GPALPP1: variants seen among roughly 807,000 people sequenced by gnomAD.
The protein encoded by GPALPP1 is GPALPP motifs containing 1.
Under a neutral mutation model 38.9 loss-of-function variants are expected in GPALPP1, and 30 were observed. The ratio of observed to expected loss-of-function variants is 0.77; its 90% CI spans 0.58 to 1.05. GPALPP1 has a LOEUF of 1.05. Ranked by LOEUF, GPALPP1 falls within the 50% of genes least tolerant of loss-of-function variation. The probability of loss-of-function intolerance (pLI) is 0.00; values close to 1 mark genes in which losing one functional copy is unlikely to be tolerated. For synonymous variants in GPALPP1, 120 were observed against 139.2 expected (o/e 0.86, Z 0.97); for missense variants, 384 against 408.8 (o/e 0.94, Z 0.52).
chr13:44,994,634 G>A (rs997624821), intron 1 of GPALPP1, among the ~76,000 whole-genome samples: 3 of 152,140 alleles, frequency 2.0e-5, no homozygotes. Flanking sequence ...TCAGAGCTCA[G>A]TACAAAACTT....
chr13:45,034,709 C>CT (rs1566088488), downstream of GPALPP1: 1 of 147,972 alleles, frequency 6.8e-6, no homozygotes, highest in Non-Finnish European at 1.5e-5. Context: ...ATGGAGAATA[C>CT]TTTTTTATTT....
At chr13:44,992,644 G>A (rs1872888308) in intron 1 of GPALPP1, among the ~76,000 whole-genome samples, 1 of 152,292 alleles carries the variant, frequency 6.6e-6, no homozygotes, top group East Asian at 1.9e-4. Flanking sequence ...TTTGTGTGTG[G>A]TGTGAGATAG....
At chr13:45,034,171 G>A (rs1876325000), downstream of GPALPP1, 1 of 152,228 alleles carries the variant, frequency 6.6e-6, no homozygotes, top group African/African-American at 2.4e-5. Flanking sequence ...ATGCCTCAGT[G>A]TATGCTAGGT....
chr13:45,030,653 G>GGATT (rs1876154268), downstream of GPALPP1: 1 of 151,840 alleles, frequency 6.6e-6, no homozygotes, highest in Admixed American at 6.6e-5. Context: ...CAAAATGCTG[G>GGATT]GATTACAGGC....
At position 45,014,987 on chromosome 13, in the gene GPALPP1, A is replaced by G; in HGVS notation, c.444A>G (p.Gly148=). ...TDSSEDEDII[G]PMPAKGPVNY... ...GCAGTGAAGATGAGGATATTATTGG[A>G]CCAATGCCTGCAAAAGGACCAGTTA... Residue 148 remains glycine, a synonymous_variant, in exon 5 of 8, where the codon GGA becomes GGG. Coordinates refer to ENST00000379151, the MANE Select transcript of GPALPP1 (RefSeq NM_018559.5). 1.9e-6 allele frequency: 3 copies of G among 1,607,044 alleles called. No homozygotes were observed. Among genetic ancestry groups the G allele is most frequent in the Non-Finnish European group, 2.6e-6 (3 of 1,174,702 alleles).
rs1872597744 is a variant in GPALPP1 at position 44,989,541 on chromosome 13, A to G, written c.-114A>G. 3.3e-6 allele frequency: 5 copies of G among 1,514,772 alleles called. No individual in the cohort carries two copies. The highest frequency in any genetic ancestry group is 3.6e-6 in the Non-Finnish European group (4 of 1,100,174). 93.8% of individuals were successfully genotyped at this position (1,514,772 alleles called of 1,614,324 possible). On this transcript the variant is annotated 5_prime_UTR_variant, in exon 1 of 8. Transcript: ENST00000379151. ...CTCAGCCAACCACAGGCTTTACGTC[A>G]TTTCTCGGCGCCGGGAAACCTGCCA...
downstream of GPALPP1, chr13:45,034,742 A>ATTTTTTTTTTTTTTTTTTTT (rs11417310): frequency 2.8e-5 from 3 of 106,802 alleles, no homozygotes; most frequent in East Asian, 2.6e-4. Flanking sequence ...TTTTTTTTTT[A>ATTTTTTTTTTTTTTTTTTTT]TTTTTTTTTT....
At chr13:45,014,226 T>C (rs1297617487) in intron 4 of GPALPP1, among the ~76,000 whole-genome samples, 1 of 152,224 alleles carries the variant, frequency 6.6e-6, no homozygotes, top group Non-Finnish European at 1.5e-5. Flanking sequence ...AATTTCATTA[T>C]AGCTTTTACA....
At chr13:45,032,875 A>G (rs1469311324), downstream of GPALPP1, among the ~76,000 whole-genome samples, 1 of 151,398 alleles carries the variant, frequency 6.6e-6, no homozygotes, top group African/African-American at 2.4e-5. Flanking sequence ...TGTCTCTACT[A>G]AAATACAAAA....
intron 1 of GPALPP1, among the ~76,000 whole-genome samples, chr13:44,994,977 C>G (rs1342143282): frequency 1.3e-5 from 2 of 151,990 alleles, no homozygotes; most frequent in Non-Finnish European, 2.9e-5. Context: ...CCTCAGCCTC[C>G]TAAGTAGCTG....
intron 1 of GPALPP1, among the ~76,000 whole-genome samples, chr13:44,999,048 C>T (rs1437461675): frequency 6.6e-6 from 1 of 152,160 alleles, no homozygotes; most frequent in Non-Finnish European, 1.5e-5. Flanking sequence ...AAGAAGGAAG[C>T]AAACTTCACA....
chr13:45,020,256 T>C, intron 6 of GPALPP1, 74 bp from the exon 7 acceptor site: 1 of 654,914 alleles, frequency 1.5e-6, no homozygotes, highest in South Asian at 1.8e-5. Context: ...TTAATCTAAG[T>C]AAAAATAATA....
chr13:44,995,169 A>AAC (rs371911111), intron 1 of GPALPP1, among the ~76,000 whole-genome samples: 3,555 of 128,572 alleles, frequency 0.028, 115 homozygotes, highest in Admixed American at 0.071. Context: ...CCTATCTTTA[A>AAC]ACACACACAC....
intron 7 of GPALPP1, among the ~76,000 whole-genome samples, chr13:45,021,731 C>A (rs925547617): frequency 2.0e-5 from 3 of 151,688 alleles, no homozygotes; most frequent in African/African-American, 7.3e-5. Context: ...AAATGTAGAC[C>A]TGAATGACAA....
intron 1 of GPALPP1, among the ~76,000 whole-genome samples, chr13:44,998,085 T>A (rs1283166377): frequency 6.6e-6 from 1 of 152,204 alleles, no homozygotes; most frequent in Non-Finnish European, 1.5e-5. Context: ...TCCGTCTACT[T>A]CATTGAACAA....
rs894617515 is a variant in GPALPP1, at chr13:45,019,932, T to C, written c.706-398T>C. 5.0e-4 allele frequency among the ~76,000 whole-genome samples: 67 copies of C among 134,212 alleles called. 1 individual carries two copies. Among genetic ancestry groups the C allele is most frequent in the African/African-American group, 1.7e-3 (59 of 35,490 alleles). 88.0% of individuals were successfully genotyped at this position (134,212 alleles called of 152,430 possible). On this transcript the variant is annotated intron_variant, in intron 6 of 7. Transcript: ENST00000379151. ...CCGAGTCTCACTCTGTCTCCCAGGC[T>C]GGGGTGCAGTGGAACGATTTCGGCT...
At chr13:44,991,955 A>G (rs148059913) in intron 1 of GPALPP1, among the ~76,000 whole-genome samples, 3 of 152,318 alleles carry the variant, frequency 2.0e-5, no homozygotes, top group Admixed American at 2.0e-4. Flanking sequence ...GTTTCTTTAC[A>G]TTGCTATATA....
intron 1 of GPALPP1, among the ~76,000 whole-genome samples, chr13:44,991,506 C>T (rs1223071492): frequency 6.6e-6 from 1 of 152,186 alleles, no homozygotes; most frequent in Admixed American, 6.5e-5. Context: ...CTTCGTCAAG[C>T]ACAATATCTT....
rs1397458499 is a variant in GPALPP1 at position 45,015,469 on chromosome 13, C to T, written c.578C>T (p.Thr193Ile). The T allele has an allele frequency of 6.2e-7, 1 of 1,603,942 alleles. No individual in the cohort carries two copies. The highest frequency in any genetic ancestry group is 8.5e-7 in the Non-Finnish European group (1 of 1,175,264). Residue 193 changes from threonine (T) to isoleucine (I), a missense_variant, in exon 6 of 8, where the codon ACT (threonine) becomes ATT (isoleucine). Physicochemically the swap from Thr to Ile is moderately conservative, Grantham distance 89. Coordinates refer to ENST00000379151, the MANE Select transcript of GPALPP1 (RefSeq NM_018559.5). ...SKPIVRESWM[T>I]ELPPEMKDFG... ...CCCATTGTAAGAGAGTCATGGATGA[C>T]TGAACTTCCTCCAGAAATGAAAGAC...
Sources: allele counts gnomAD v4.1 joint callset (sites outside exome capture counted in the v4.1 genomes callset), GRCh38; gene constraint gnomAD v4.1.1; transcripts MANE v1.5; gene names NCBI Gene and HGNC (gene_info 2026-07-23, HGNC 2026-07-21).